FIGLA: variants seen among roughly 807,000 people sequenced by gnomAD.
FIGLA encodes folliculogenesis specific bHLH transcription factor.
Under a neutral mutation model 21.5 loss-of-function variants are expected in FIGLA, and 17 were observed. The ratio of observed to expected loss-of-function variants is 0.79; its 90% CI spans 0.54 to 1.19. The LOEUF (loss-of-function observed/expected upper bound fraction) is 1.19, where lower values mean the gene tolerates loss of function less well. Among genes scored for constraint, FIGLA ranks in the 50% most tolerant of loss-of-function variants. The probability of loss-of-function intolerance (pLI) is 0.00; values close to 1 mark genes in which losing one functional copy is unlikely to be tolerated. For missense variants in FIGLA, 282 were observed against 285.0 expected (o/e 0.99, Z 0.08); for synonymous variants, 129 against 117.6 (o/e 1.10, Z -0.63).
At chr2:70,779,334 G>A (rs1675815262) in intron 3 of FIGLA, among the ~76,000 whole-genome samples, 1 of 152,132 alleles carries the variant, frequency 6.6e-6, no homozygotes, top group Non-Finnish European at 1.5e-5. Context: ...GAACCCCAGG[G>A]CAGATGACTG....
chr2:70,781,636 T>C (rs1675857924), intron 3 of FIGLA, among the ~76,000 whole-genome samples: 1 of 152,210 alleles, frequency 6.6e-6, no homozygotes, highest in Non-Finnish European at 1.5e-5. Flanking sequence ...AGACCATTTA[T>C]ACAATGTGGA....
In FIGLA at chr2:70,785,632, TC is replaced by T; in HGVS notation, c.391del (p.Asp131ThrfsTer36). 2 of 1,613,292 alleles carry T rather than the reference TC, an allele frequency of 1.2e-6. No individual in the cohort carries two copies. Among genetic ancestry groups the T allele is most frequent in the Non-Finnish European group, 1.7e-6 (2 of 1,179,240 alleles). ...GTTACTATAGCTCTGCTCATCTGGG[TC>T]TTGTTTCTGGAAACCATATTTAGTT... is the stretch of plus-strand genomic sequence containing the variant. ...LEGAKDSKKQ[D>X]PDEQSYSNNS... On this transcript the variant is annotated frameshift_variant, in exon 3 of 5. Coordinates refer to ENST00000332372, the MANE Select transcript of FIGLA (RefSeq NM_001004311.3). LOFTEE classifies it high-confidence loss of function.
At chr2:70,778,110 A>G (rs1427093762) in intron 3 of FIGLA, among the ~76,000 whole-genome samples, 1 of 152,186 alleles carries the variant, frequency 6.6e-6, no homozygotes, top group African/African-American at 2.4e-5. Flanking sequence ...CTTAGCCTTA[A>G]ACATTTATCT....
intron 4 of FIGLA, 46 bp from the exon 5 acceptor site, chr2:70,777,428 C>T: frequency 7.1e-7 from 1 of 1,401,686 alleles, no homozygotes. Flanking sequence ...AAAATAAGAA[C>T]CGTTTACAAA....
At chr2:70,777,779 C>T (rs1044148756) in intron 3 of FIGLA, 108 bp from the exon 4 acceptor site, 1 of 548,952 alleles carries the variant, frequency 1.8e-6, no homozygotes, top group East Asian at 3.1e-5. Flanking sequence ...AAAAATTGTC[C>T]CACCTAATGG....
At chr2:70,777,536 A>T in intron 4 of FIGLA, 101 bp downstream of exon 4, 1 of 1,516,376 alleles carries the variant, frequency 6.6e-7, no homozygotes, top group Non-Finnish European at 8.9e-7. Flanking sequence ...TCCTTCTTTT[A>T]ATAGAGCTCA....
chr2:70,787,511 A>G, intron 2 of FIGLA, 138 bp downstream of exon 2: 1 of 939,036 alleles, frequency 1.1e-6, no homozygotes, highest in Non-Finnish European at 1.6e-6. Flanking sequence ...TTCTCTGTCA[A>G]ATAAGGGTCA....
chr2:70,786,219 C>A (rs1675952341), intron 2 of FIGLA, among the ~76,000 whole-genome samples: 1 of 122,766 alleles, frequency 8.1e-6, no homozygotes, highest in African/African-American at 3.2e-5. Context: ...GATCTAACAA[C>A]TTTTCTGCCT....
intron 3 of FIGLA, among the ~76,000 whole-genome samples, chr2:70,779,883 G>A (rs1435680640): frequency 1.3e-5 from 2 of 152,092 alleles, no homozygotes; most frequent in African/African-American, 4.8e-5. Context: ...AACCACGAGT[G>A]GCAAATAGAA....
At chr2:70,780,604 G>T (rs1574349627) in intron 3 of FIGLA, among the ~76,000 whole-genome samples, 3 of 152,256 alleles carry the variant, frequency 2.0e-5, no homozygotes, top group East Asian at 1.9e-4. Flanking sequence ...GTTAATAAAG[G>T]TGATATTGAA....
At chr2:70,785,349 C>T (rs377474474) in intron 3 of FIGLA, 66 bp downstream of exon 3, 3 of 1,266,026 alleles carry the variant, frequency 2.4e-6, no homozygotes, top group African/African-American at 3.0e-5. Context: ...AAAAATGACT[C>T]ATATCTCAAA....
chr2:70,789,916 A>G (rs1676027120), intron 1 of FIGLA, among the ~76,000 whole-genome samples: 1 of 152,032 alleles, frequency 6.6e-6, no homozygotes, highest in South Asian at 2.1e-4. Flanking sequence ...TCGTTACTTT[A>G]AAAAAGAAAA....
rs1406798679 is a variant in FIGLA, at chr2:70,785,583, G to C, written c.441C>G (p.Ser147=). ...TGTTTCTTGACAGCTGTCTTGCCGA[G>C]GATGTATGTGATTCAGAACTGTTGT... The part of the protein sequence containing the change: ...YSNNSSESHT[S]SARQLSRNIT... Residue 147 remains serine, a synonymous_variant, in exon 3 of 5, where the codon TCC becomes TCG. Coordinates refer to ENST00000332372, the MANE Select transcript of FIGLA (RefSeq NM_001004311.3). The C allele has an allele frequency of 6.2e-7, 1 of 1,614,008 alleles. No homozygotes were observed. The highest frequency in any genetic ancestry group is 1.1e-5 in the South Asian group (1 of 91,086).
chr2:70,780,909 G>A (rs937737600), intron 3 of FIGLA, among the ~76,000 whole-genome samples: 3 of 152,116 alleles, frequency 2.0e-5, no homozygotes, highest in African/African-American at 4.8e-5. Flanking sequence ...TCACATGGGG[G>A]GTGTGGTCCA....
chr2:70,785,617 C>T lies in FIGLA; in HGVS notation c.407G>A (p.Ser136Asn). 6.2e-7 allele frequency: 1 copy of T among 1,613,846 alleles called. No individual in the cohort carries two copies. Among genetic ancestry groups the T allele is most frequent in the African/African-American group, 1.3e-5 (1 of 75,034 alleles). ...TGATTCAGAACTGTTGTTACTATAG[C>T]TCTGCTCATCTGGGTCTTGTTTCTG... ...DSKKQDPDEQ[S>N]YSNNSSESHT... The change falls in exon 3 of 5, where the codon AGC becomes AAC. Residue 136 changes from serine to asparagine, a missense_variant. By Grantham distance (46) the Ser-to-Asn change is conservative. Coordinates refer to ENST00000332372, the MANE Select transcript of FIGLA (RefSeq NM_001004311.3).
At chr2:70,785,273 T>C in intron 3 of FIGLA, 142 bp downstream of exon 3, 8 of 748,080 alleles carry the variant, frequency 1.1e-5, no homozygotes, top group Non-Finnish European at 1.7e-5. Context: ...CCCAAACTAG[T>C]AAACCCCACT....
intron 3 of FIGLA, among the ~76,000 whole-genome samples, chr2:70,783,056 CA>C (rs60009932): frequency 0.11 from 13,762 of 124,110 alleles, 517 homozygotes; most frequent in Non-Finnish European, 0.12. Context: ...GACTCTGTCT[CA>C]AAAAAAAAAA....
chr2:70,780,056 C>T (rs2104596504), intron 3 of FIGLA, among the ~76,000 whole-genome samples: 1 of 152,300 alleles, frequency 6.6e-6, no homozygotes, highest in Non-Finnish European at 1.5e-5. Flanking sequence ...CTTCTCATGG[C>T]TCACGGCCCT....
chr2:70,788,844 AG>A (rs1203005568), intron 1 of FIGLA, among the ~76,000 whole-genome samples: 2 of 152,214 alleles, frequency 1.3e-5, no homozygotes, highest in Non-Finnish European at 2.9e-5. Flanking sequence ...CTATCTAGAA[AG>A]CAATTGGGTA....
Sources: allele counts gnomAD v4.1 joint callset (sites outside exome capture counted in the v4.1 genomes callset), GRCh38; gene constraint gnomAD v4.1.1; transcripts MANE v1.5; gene names NCBI Gene and HGNC (gene_info 2026-07-23, HGNC 2026-07-21).